Variants in AGBL1 observed in about 807,000 individuals in gnomAD.
The protein encoded by AGBL1 is AGBL carboxypeptidase 1, also known as cytosolic carboxypeptidase 4.
AGBL1 carries 130 observed loss-of-function variants against 118.9 expected under a neutral mutation model. That is an observed-to-expected ratio of 1.09 (90% CI 0.95 to 1.26). The LOEUF is 1.26. Among genes scored for constraint, AGBL1 ranks in the 50% most tolerant of loss-of-function variants. AGBL1 has a pLI of 0.00. For synonymous variants in AGBL1, 555 were observed against 478.9 expected, an observed-to-expected ratio of 1.16 and a Z score of -2.08; for missense variants, 1,584 against 1,298.1, an observed-to-expected ratio of 1.22 and a Z score of -3.38.
intron 22 of AGBL1, among the ~76,000 whole-genome samples, chr15:86,840,837 A>G (rs148787565): frequency 6.6e-6 from 1 of 152,126 alleles, no homozygotes; most frequent in African/African-American, 2.4e-5. Flanking sequence ...TGAATTAACT[A>G]TGCCCCAGTT....
chr15:86,568,512 C>T (rs2083952414), intron 21 of AGBL1, among the ~76,000 whole-genome samples: 1 of 152,136 alleles, frequency 6.6e-6, no homozygotes, highest in East Asian at 1.9e-4. Flanking sequence ...CTATTTCTGC[C>T]TACTTATCAA....
At chr15:86,903,778 C>T (rs1239489250) in intron 22 of AGBL1, among the ~76,000 whole-genome samples, 1 of 152,122 alleles carries the variant, frequency 6.6e-6, no homozygotes, top group East Asian at 1.9e-4. Flanking sequence ...GTGGGAATTC[C>T]AGCTCCCCAC....
chr15:86,678,571 A>T (rs1422476265), intron 22 of AGBL1, among the ~76,000 whole-genome samples: 1 of 152,068 alleles, frequency 6.6e-6, no homozygotes, highest in Admixed American at 6.6e-5. Context: ...TATGCTGCAA[A>T]TATTTTCCCC....
chr15:86,706,157 G>T (rs1194404822), intron 22 of AGBL1, among the ~76,000 whole-genome samples: 1 of 151,810 alleles, frequency 6.6e-6, no homozygotes, highest in African/African-American at 2.4e-5. Context: ...ACTATTGAAG[G>T]TTATGCTAAA....
chr15:86,825,191 T>C (rs1326724881), intron 22 of AGBL1, among the ~76,000 whole-genome samples: 2 of 151,584 alleles, frequency 1.3e-5, no homozygotes, highest in African/African-American at 4.8e-5. Context: ...GTAGAAGCAA[T>C]TGGACATCCA....
chr15:86,112,384 T>G (rs1049287245), intron 1 of AGBL1, among the ~76,000 whole-genome samples: 4 of 152,200 alleles, frequency 2.6e-5, no homozygotes, highest in African/African-American at 7.2e-5. Flanking sequence ...TACACATACA[T>G]TTTTGTGTAT....
At chr15:86,401,831 G>A (rs1271832884) in intron 18 of AGBL1, among the ~76,000 whole-genome samples, 7 of 152,092 alleles carry the variant, frequency 4.6e-5, no homozygotes, top group Non-Finnish European at 4.4e-5. Flanking sequence ...TGCTAGCACC[G>A]TGCTGTTTTG....
At chr15:86,166,611 T>G (rs901179239) in intron 5 of AGBL1, among the ~76,000 whole-genome samples, 28 of 152,208 alleles carry the variant, frequency 1.8e-4, no homozygotes, top group African/African-American at 6.8e-4. Context: ...CCCTGTCACC[T>G]GGGTGGTGAA....
At chr15:86,995,517 G>T (rs774224834) in intron 24 of AGBL1, among the ~76,000 whole-genome samples, 1 of 152,060 alleles carries the variant, frequency 6.6e-6, no homozygotes, top group Admixed American at 6.6e-5. Flanking sequence ...CTTCTGGGGC[G>T]AAAGTCTTTT....
At chr15:86,386,337 G>A (rs940941390) in intron 17 of AGBL1, among the ~76,000 whole-genome samples, 1 of 136,812 alleles carries the variant, frequency 7.3e-6, no homozygotes, top group Non-Finnish European at 1.6e-5. Context: ...ATAAAGAATG[G>A]CTACTCTGTA....
At chr15:86,295,644 A>T in intron 17 of AGBL1, 1 of 345,480 alleles carries the variant, frequency 2.9e-6, no homozygotes, top group Admixed American at 4.3e-5. Context: ...AGATGAAATG[A>T]CAGTTTGCTA....
intron 22 of AGBL1, among the ~76,000 whole-genome samples, chr15:86,850,322 TA>T (rs2079389287): frequency 6.6e-6 from 1 of 152,250 alleles, no homozygotes; most frequent in Admixed American, 6.5e-5. Flanking sequence ...TGGCATGGAT[TA>T]AATGTTGGAG....
In AGBL1 at chr15:86,411,754, T is replaced by C. The variant is rs192960596; in HGVS notation, c.2555+14208T>C. On this transcript the variant is annotated intron_variant, in intron 18 of 22. Coordinates refer to ENST00000614907, the MANE Select transcript of AGBL1 (RefSeq NM_001386094.1). Reference sequence around the variant, plus strand: ...CTCTTTTTGGCCATTTTTTTTGTCATTACTCTGCATAATAACAAGGAAACA... The same window carrying C: ...CTCTTTTTGGCCATTTTTTTTGTCACTACTCTGCATAATAACAAGGAAACA... 3.2e-3 allele frequency among the ~76,000 whole-genome samples: 483 copies of C among 152,286 alleles called. 1 individual carries two copies. Among genetic ancestry groups the C allele is most frequent in the African/African-American group, 0.011 (456 of 41,572 alleles).
In AGBL1 at chr15:86,166,553, C is replaced by T. The variant is rs148881983; in HGVS notation, c.488+7527C>T. 3.3e-5 allele frequency among the ~76,000 whole-genome samples: 5 copies of T among 152,252 alleles called. No individual in the cohort carries two copies. In the East Asian group the frequency reaches 5.8e-4, roughly 18 times the overall value. ...AAGGGCTTGGTCTGGCAGTGCCATC[C>T]AGGGGGGCTCTAGTCCCTGTTTCTC... On this transcript the variant is annotated intron_variant, in intron 5 of 22. Transcript: ENST00000614907.
At chr15:86,632,343 T>A (rs118105490) in intron 21 of AGBL1, among the ~76,000 whole-genome samples, 1,742 of 150,932 alleles carry the variant, frequency 0.012, 27 homozygotes, top group East Asian at 0.075. Flanking sequence ...TGTGGGAGAC[T>A]GAGGCAGGGA....
chr15:86,648,827 T>G (rs1278440114), intron 21 of AGBL1, among the ~76,000 whole-genome samples: 1 of 152,132 alleles, frequency 6.6e-6, no homozygotes, highest in East Asian at 1.9e-4. Flanking sequence ...TAAAATGAAG[T>G]AGATGAGGAG....
rs182520390 is a variant in AGBL1 at position 86,208,043 on chromosome 15, T to G, written c.489-16871T>G. On this transcript the variant is annotated intron_variant, in intron 5 of 22. Coordinates refer to ENST00000614907, the MANE Select transcript of AGBL1 (RefSeq NM_001386094.1). Reference sequence around the variant, plus strand: ...TTTTAGCATGAAAGGCTGTTGAATTTTGTTGAAGGCCTTTTCTGCAACTAT... The same window carrying G: ...TTTTAGCATGAAAGGCTGTTGAATTGTGTTGAAGGCCTTTTCTGCAACTAT... Among the ~76,000 whole-genome samples the G allele has an allele frequency of 1.1e-4, 17 of 152,288 alleles. No individual in the cohort carries two copies. In the East Asian group the frequency reaches 2.9e-3, roughly 26 times the overall value.
chr15:86,644,042 G>A (rs886803772), intron 21 of AGBL1, among the ~76,000 whole-genome samples: 12 of 152,068 alleles, frequency 7.9e-5, no homozygotes, highest in African/African-American at 2.7e-4. Context: ...ATTCTTTGGA[G>A]ACTTAAAAAA....
At chr15:86,395,361 A>G (rs2081347579) in intron 17 of AGBL1, among the ~76,000 whole-genome samples, 1 of 152,056 alleles carries the variant, frequency 6.6e-6, no homozygotes, top group African/African-American at 2.4e-5. Context: ...TCCATCTGGT[A>G]AATAATACTT....
Sources: gnomAD v4.1 joint callset for allele counts (sites outside exome capture counted in the v4.1 genomes callset) on GRCh38, gnomAD v4.1.1 for gene constraint, MANE v1.5 for transcripts, NCBI Gene and HGNC (gene_info 2026-07-23, HGNC 2026-07-21) for gene names.